Variants in MARCHF10 observed in about 807,000 individuals in gnomAD.
MARCHF10 encodes the protein membrane associated ring-CH-type finger 10.
A neutral mutation model predicts 76.2 loss-of-function variants in MARCHF10; 64 were observed. The observed-to-expected ratio is 0.84, with a 90% CI of 0.69 to 1.03. The LOEUF is 1.03. Ranked by LOEUF, MARCHF10 falls within the 50% of genes least tolerant of loss-of-function variation. MARCHF10 has a pLI of 0.00. For synonymous variants in MARCHF10, 340 were observed against 357.5 expected (o/e 0.95, Z 0.55); for missense variants, 875 against 958.0 (o/e 0.91, Z 1.14).
chr17:62,744,378 G>A lies in MARCHF10; in HGVS notation c.533C>T (p.Ala178Val). Reference protein sequence around the residue: ...WPAKVPVPRGADQVVQQEGLM... With the variant: ...WPAKVPVPRGVDQVVQQEGLM... ...GTTCGGGAGCCCCGGGTCCTTACCT[G>A]CTCCCCTGGGAACCGGCACCTTTGC... Residue 178 changes from alanine to valine, a missense_variant and splice_region_variant, in exon 5 of 11, where the codon GCA becomes GTA. Ala to Val is a moderately conservative substitution (Grantham distance 64). Transcript: ENST00000311269. The A allele has an allele frequency of 6.2e-7, 1 of 1,613,400 alleles. No homozygotes were observed. The highest frequency in any genetic ancestry group is 8.5e-7 in the Non-Finnish European group (1 of 1,179,834).
intron 4 of MARCHF10, among the ~76,000 whole-genome samples, chr17:62,756,625 G>T (rs182092875): frequency 3.3e-5 from 5 of 152,150 alleles, no homozygotes; most frequent in African/African-American, 1.2e-4. Context: ...TTGCCACAGC[G>T]GCAGGGACTG....
At position 62,744,413 on chromosome 17, in the gene MARCHF10, C is replaced by G. The variant is rs2091629224; in HGVS notation, c.498G>C (p.Gln166His). ...GAACCGGCACCTTTGCAGGCCACTG[C>G]TGTTTCTGTCTGCTTCTGTCCCCAG... is the stretch of plus-strand genomic sequence containing the variant. ...RASGDRSRQK[Q>H]QWPAKVPVPR... The change falls in exon 5 of 11, where the codon CAG (glutamine) becomes CAC (histidine). Residue 166 changes from glutamine (Q) to histidine (H), a missense_variant. Physicochemically the swap from Gln to His is conservative, Grantham distance 24. Coordinates refer to ENST00000311269, the MANE Select transcript of MARCHF10 (RefSeq NM_152598.4). 1.2e-6 allele frequency: 2 copies of G among 1,614,068 alleles called. No individual in the cohort carries two copies. The highest frequency in any genetic ancestry group is 2.7e-5 in the African/African-American group (2 of 74,948).
intron 4 of MARCHF10, among the ~76,000 whole-genome samples, chr17:62,752,636 C>CT (rs59495310): frequency 9.9e-4 from 145 of 146,178 alleles, no homozygotes; most frequent in South Asian, 5.9e-3. Context: ...ATTCCCTCTG[C>CT]TTTTTTTTTT....
chr17:62,752,890 C>T (rs1026911259), intron 4 of MARCHF10, among the ~76,000 whole-genome samples: 2 of 152,086 alleles, frequency 1.3e-5, no homozygotes, highest in Non-Finnish European at 2.9e-5. Flanking sequence ...CTCAGCTGGC[C>T]CTTCTCCATG....
At chr17:62,786,024 G>A (rs766452615) in intron 3 of MARCHF10, among the ~76,000 whole-genome samples, 96 of 152,114 alleles carry the variant, frequency 6.3e-4, no homozygotes, top group East Asian at 3.9e-4. Flanking sequence ...CAGTGATCCC[G>A]TTACTGGGTA....
At chr17:62,705,963 A>C (rs926546648) in intron 9 of MARCHF10, among the ~76,000 whole-genome samples, 1 of 152,208 alleles carries the variant, frequency 6.6e-6, no homozygotes, top group Non-Finnish European at 1.5e-5. Flanking sequence ...CTTTGAAACA[A>C]TCGCTTGTAT....
At chr17:62,769,086 T>C (rs932446021) in intron 3 of MARCHF10, among the ~76,000 whole-genome samples, 1 of 152,230 alleles carries the variant, frequency 6.6e-6, no homozygotes, top group African/African-American at 2.4e-5. Context: ...TTCAGTTCAA[T>C]TGTTTTGGGT....
chr17:62,734,632 T>C (rs2091184327), intron 6 of MARCHF10, among the ~76,000 whole-genome samples: 1 of 152,262 alleles, frequency 6.6e-6, no homozygotes, highest in African/African-American at 2.4e-5. Flanking sequence ...ACAATGTTTT[T>C]AACTGTTTAT....
chr17:62,766,273 G>C (rs2092329789), intron 3 of MARCHF10, among the ~76,000 whole-genome samples: 1 of 152,180 alleles, frequency 6.6e-6, no homozygotes, highest in South Asian at 2.1e-4. Context: ...GGCCGAGGCA[G>C]GCAGATCACC....
rs1386689991 is a variant in MARCHF10, at chr17:62,738,059, G to GACACACACACACACACACACAC, written c.536-728_536-727insGTGTGTGTGTGTGTGTGTGTGT. The stretch of plus-strand genomic sequence containing the variant: ...TAACTGTCTCTCTCTGTCTCTCTCT[G>GACACACACACACACACACACAC]TCACACACACACACACACACACACA... On this transcript the variant is annotated intron_variant, in intron 5 of 10. Coordinates refer to ENST00000311269, the MANE Select transcript of MARCHF10 (RefSeq NM_152598.4). This position sits in a 1 kb window ranked among gnomAD's most constrained non-coding sequence, Gnocchi z 4.0. The GACACACACACACACACACACAC allele has an allele frequency of 9.9e-5, 2 of 20,168 alleles. No individual in the cohort carries two copies. The highest frequency in any genetic ancestry group is 9.0e-4 in the Admixed American group (2 of 2,234). 1.2% of individuals were successfully genotyped at this position (20,168 alleles called of 1,614,324 possible).
chr17:62,746,760 T>C, intron 4 of MARCHF10: 1 of 818,348 alleles, frequency 1.2e-6, no homozygotes, highest in East Asian at 2.7e-5. Context: ...AATTTCACTT[T>C]GATTTCCAGC....
intron 1 of MARCHF10, among the ~76,000 whole-genome samples, chr17:62,803,680 C>G (rs1400818824): frequency 1.3e-5 from 2 of 152,078 alleles, no homozygotes; most frequent in African/African-American, 4.8e-5. Context: ...CCACCACACC[C>G]GGCTAATTTT....
chr17:62,779,580 C>G (rs1295430141), intron 3 of MARCHF10, among the ~76,000 whole-genome samples: 1 of 152,158 alleles, frequency 6.6e-6, no homozygotes, highest in Non-Finnish European at 1.5e-5. Context: ...ATCGAGCCAG[C>G]CTCCACGGAC....
At chr17:62,776,365 C>A (rs530720073) in intron 3 of MARCHF10, among the ~76,000 whole-genome samples, 1 of 152,290 alleles carries the variant, frequency 6.6e-6, no homozygotes, top group African/African-American at 2.4e-5. Context: ...GGCCACATGG[C>A]AGGATCACCC....
At position 62,711,955 on chromosome 17, in the gene MARCHF10, G is replaced by T. The variant is rs9890213; in HGVS notation, c.2215-611C>A. Among the ~76,000 whole-genome samples, 3 of 152,024 alleles carry T rather than the reference G, an allele frequency of 2.0e-5. No homozygotes were observed. The highest frequency in any genetic ancestry group is 6.5e-5 in the Admixed American group (1 of 15,276). ...CGTTTCCGCTTTCTCTTGAGGAGTG[G>T]GCTGTGCTTTTTTTCTCGCTGGTGC... On this transcript the variant is annotated intron_variant, in intron 8 of 10. Coordinates refer to ENST00000311269, the MANE Select transcript of MARCHF10 (RefSeq NM_152598.4). The surrounding 1 kb of genome is among the most constrained non-coding windows in gnomAD (Gnocchi z 4.4).
chr17:62,710,830 G>A (rs371194142), intron 9 of MARCHF10, among the ~76,000 whole-genome samples: 4 of 152,134 alleles, frequency 2.6e-5, no homozygotes, highest in South Asian at 4.1e-4. Flanking sequence ...CAAAGCGCTG[G>A]GATTACAGGC....
chr17:62,776,708 C>T (rs948366312), intron 3 of MARCHF10, among the ~76,000 whole-genome samples: 2 of 152,142 alleles, frequency 1.3e-5, no homozygotes, highest in South Asian at 2.1e-4. Context: ...AGTTATCTGG[C>T]GGAATCTTCA....
intron 9 of MARCHF10, among the ~76,000 whole-genome samples, chr17:62,705,839 CG>C (rs2089552854): frequency 6.6e-6 from 1 of 152,150 alleles, no homozygotes; most frequent in Non-Finnish European, 1.5e-5. Context: ...AGAACAGACT[CG>C]CTTCCTTTGA....
chr17:62,759,923 T>G lies in MARCHF10; in HGVS notation c.294A>C (p.Ala98=). 2 of 1,614,138 alleles carry G rather than the reference T, an allele frequency of 1.2e-6. No homozygotes were observed. Among genetic ancestry groups the G allele is most frequent in the Non-Finnish European group, 1.7e-6 (2 of 1,180,016 alleles). The change falls in exon 4 of 11, where the codon GCA becomes GCC. Residue 98 remains alanine, a synonymous_variant. Transcript: ENST00000311269. ...TCTGCTTGACTGATGTTTGGTCAAT[T>G]GCTGGAAGTTTGGAGTCACACTTAA... ...SAFKCDSKLP[A]IDQTSVKQKH...
Sources: gnomAD v4.1 joint callset for allele counts (sites outside exome capture counted in the v4.1 genomes callset) on GRCh38, gnomAD v4.1.1 for gene constraint, Gnocchi (gnomAD v3.1) non-coding constraint, MANE v1.5 for transcripts, NCBI Gene and HGNC (gene_info 2026-07-23, HGNC 2026-07-21) for gene names.